The following MAGI2 variants were observed in gnomAD, a reference collection of about 807,000 sequenced individuals.
MAGI2 encodes the protein membrane-associated guanylate kinase, WW and PDZ domain-containing protein 2.
Under a neutral mutation model 133.3 loss-of-function variants are expected in MAGI2, and 35 were observed. That is an observed-to-expected ratio of 0.26 (90% CI 0.20 to 0.35). The LOEUF (loss-of-function observed/expected upper bound fraction) is 0.35, where lower values mean the gene tolerates loss of function less well. Among genes scored for constraint, MAGI2 ranks in the 10% least tolerant of loss-of-function variants. The pLI is 1.00. For missense variants in MAGI2, 1,636 were observed against 1,863.4 expected, an observed-to-expected ratio of 0.88 and a Z score of 2.25; for synonymous variants, 729 against 710.6, an observed-to-expected ratio of 1.03 and a Z score of -0.41.
chr7:79,367,944 C>G (rs1842828546), intron 1 of MAGI2, among the ~76,000 whole-genome samples: 2 of 147,004 alleles, frequency 1.4e-5, no homozygotes, highest in African/African-American at 5.1e-5. Context: ...AATAGAGCCC[C>G]AAAGCCACAA....
chr7:78,773,019 C>A (rs908165432), intron 2 of MAGI2, among the ~76,000 whole-genome samples: 1 of 151,910 alleles, frequency 6.6e-6, no homozygotes, highest in Non-Finnish European at 1.5e-5. Flanking sequence ...GGCTTTTGTT[C>A]TTTTGGCCAT....
At chr7:78,780,131 C>T (rs1040928757) in intron 2 of MAGI2, among the ~76,000 whole-genome samples, 1 of 152,242 alleles carries the variant, frequency 6.6e-6, no homozygotes, top group African/African-American at 2.4e-5. Flanking sequence ...ACAATGTGTA[C>T]TGCTTAATGT....
chr7:79,004,556 G>A (rs1015525568), intron 2 of MAGI2, among the ~76,000 whole-genome samples: 1 of 152,154 alleles, frequency 6.6e-6, no homozygotes, highest in African/African-American at 2.4e-5. Context: ...ACTGACTATA[G>A]TAGACAACAG....
intron 1 of MAGI2, among the ~76,000 whole-genome samples, chr7:79,090,037 TA>T (rs1014912313): frequency 3.3e-5 from 5 of 151,948 alleles, no homozygotes; most frequent in African/African-American, 1.2e-4. Context: ...ATAAAAAAAT[TA>T]AAAAATAGAA....
intron 5 of MAGI2, among the ~76,000 whole-genome samples, chr7:78,500,194 G>A (rs1392135015): frequency 6.6e-6 from 1 of 152,182 alleles, no homozygotes; most frequent in African/African-American, 2.4e-5. Flanking sequence ...AACTTCACGT[G>A]AGAATTAAAT....
intron 2 of MAGI2, among the ~76,000 whole-genome samples, chr7:78,851,546 C>G (rs751216544): frequency 2.0e-5 from 3 of 152,144 alleles, no homozygotes; most frequent in Non-Finnish European, 4.4e-5. Context: ...GATCTCACCC[C>G]TCTGTGGTCA....
intron 15 of MAGI2, among the ~76,000 whole-genome samples, chr7:78,163,249 T>C (rs1226838129): frequency 6.6e-6 from 1 of 152,138 alleles, no homozygotes; most frequent in African/African-American, 2.4e-5. Flanking sequence ...GCCGTTCTCC[T>C]GTCTTAGCCT....
intron 3 of MAGI2, among the ~76,000 whole-genome samples, chr7:78,577,205 T>C (rs930833675): frequency 1.3e-5 from 2 of 152,212 alleles, no homozygotes; most frequent in South Asian, 2.1e-4. Flanking sequence ...TAGGTGCTAC[T>C]AATTTTATGG....
chr7:78,057,999 A>ATGTGTGTGTGTGTGTG (rs762405456), intron 21 of MAGI2, among the ~76,000 whole-genome samples: 4 of 108,582 alleles, frequency 3.7e-5, no homozygotes, highest in East Asian at 2.4e-4. Flanking sequence ...ATATATATAT[A>ATGTGTGTGTGTGTGTG]TATATGTATG....
intron 9 of MAGI2, among the ~76,000 whole-genome samples, chr7:78,275,178 TGGCTTCCCTTGGGAA>T (rs1369250271): frequency 6.6e-6 from 1 of 152,152 alleles, no homozygotes; most frequent in East Asian, 1.9e-4. Flanking sequence ...CAGTCTCTCA[TGGCTTCCCTTGGGAA>T]GGGGAGAGAA....
At chr7:79,387,000 T>C (rs140669041) in intron 1 of MAGI2, among the ~76,000 whole-genome samples, 2 of 106,816 alleles carry the variant, frequency 1.9e-5, no homozygotes, top group Admixed American at 9.2e-5. Context: ...TATATATGTA[T>C]ACACACACAC....
chr7:79,090,935 G>C (rs1232056097), intron 1 of MAGI2, among the ~76,000 whole-genome samples: 1 of 151,882 alleles, frequency 6.6e-6, no homozygotes, highest in Non-Finnish European at 1.5e-5. Flanking sequence ...ACAGTGTACA[G>C]CTCAGCACCT....
chr7:78,384,814 G>A (rs1795233584), intron 6 of MAGI2, among the ~76,000 whole-genome samples: 1 of 152,040 alleles, frequency 6.6e-6, no homozygotes, highest in African/African-American at 2.4e-5. Flanking sequence ...TATTTAATAT[G>A]CAGCCTTGAA....
chr7:78,633,040 C>T (rs1809192019), intron 2 of MAGI2, among the ~76,000 whole-genome samples: 2 of 152,216 alleles, frequency 1.3e-5, no homozygotes, highest in Admixed American at 6.5e-5. Flanking sequence ...GGTAGATATA[C>T]ACCATGGAAT....
At chr7:79,172,079 G>A (rs969275129) in intron 1 of MAGI2, among the ~76,000 whole-genome samples, 3 of 151,796 alleles carry the variant, frequency 2.0e-5, no homozygotes, top group Non-Finnish European at 2.9e-5. Flanking sequence ...GTGCAAGTTC[G>A]ATCTCTTCTA....
At chr7:78,778,230 G>T (rs1215562777) in intron 2 of MAGI2, among the ~76,000 whole-genome samples, 1 of 152,132 alleles carries the variant, frequency 6.6e-6, no homozygotes, top group Non-Finnish European at 1.5e-5. Flanking sequence ...ATGAGACAAC[G>T]TTTGCCAGAG....
At chr7:78,235,461 G>A (rs1187758606) in intron 10 of MAGI2, among the ~76,000 whole-genome samples, 2 of 152,180 alleles carry the variant, frequency 1.3e-5, no homozygotes, top group African/African-American at 4.8e-5. Context: ...GAGGAACCCA[G>A]TGGGAAGTAA....
intron 2 of MAGI2, among the ~76,000 whole-genome samples, chr7:78,874,696 G>C (rs1795287074): frequency 6.6e-6 from 1 of 152,038 alleles, no homozygotes; most frequent in Non-Finnish European, 1.5e-5. Flanking sequence ...TTAGATAAGA[G>C]GAATAAGTTC....
chr7:79,113,135 G>A (rs1231269216), intron 1 of MAGI2, among the ~76,000 whole-genome samples: 1 of 152,130 alleles, frequency 6.6e-6, no homozygotes. Flanking sequence ...TTTCAATGTT[G>A]TGAAATATCT....
Sources: gnomAD v4.1 joint callset for allele counts (sites outside exome capture counted in the v4.1 genomes callset) on GRCh38, gnomAD v4.1.1 for gene constraint, MANE v1.5 for transcripts, NCBI Gene and HGNC (gene_info 2026-07-23, HGNC 2026-07-21) for gene names.